Variants in TRIP11 observed in about 807,000 individuals in gnomAD.
The protein encoded by TRIP11 is thyroid hormone receptor interactor 11, also known as thyroid receptor-interacting protein 11.
Under a neutral mutation model 223.1 loss-of-function variants are expected in TRIP11, and 148 were observed. The observed-to-expected ratio is 0.66, with a 90% CI of 0.58 to 0.76. The LOEUF is 0.76. TRIP11 is among the 30% of genes least tolerant of loss of function. The pLI is 0.00. For synonymous variants in TRIP11, 762 were observed against 772.6 expected (o/e 0.99, Z 0.23); for missense variants, 2,043 against 2,222.0 (o/e 0.92, Z 1.62).
rs183045912 is a variant in TRIP11, at chr14:91,966,225, A to G, written c.*3448T>C. ...AATTGTTTTACATAGAGAAACCTTA[A>G]TAAGTATTTAACTTTTTAATAAGTT... On this transcript the variant is annotated 3_prime_UTR_variant, in exon 21 of 21. Coordinates refer to ENST00000267622, the MANE Select transcript of TRIP11 (RefSeq NM_004239.4). The G allele has an allele frequency of 1.6e-3, 275 of 176,938 alleles. No individual in the cohort carries two copies. Among genetic ancestry groups the G allele is most frequent in the Non-Finnish European group, 2.8e-3 (231 of 81,940 alleles). 11.0% of individuals were successfully genotyped at this position (176,938 alleles called of 1,614,324 possible). A position where few individuals can be genotyped will look rare whatever the true frequency, so the allele number is the denominator to read the frequency against.
intron 16 of TRIP11, among the ~76,000 whole-genome samples, chr14:91,983,150 A>C (rs2056565041): frequency 6.6e-6 from 1 of 152,214 alleles, no homozygotes; most frequent in African/African-American, 2.4e-5. Flanking sequence ...CCAAGTACAA[A>C]GGATAGCTCT....
Position 92,005,593 on chromosome 14 carries a change from C to G in TRIP11, c.2383G>C (p.Val795Leu), listed in dbSNP as rs34699762. The G allele has an allele frequency of 2.6e-3, 4,196 of 1,613,438 alleles. 70 individuals carry two copies. The African/African-American group carries it at 0.048, about 19-fold the overall frequency. ...MDTDHKETKD[V>L]LSSSLEEQKQ... ...TGCTCTTCTAAACTAGATGACAAAA[C>G]GTCCTTAGTTTCTTTATGGTCAGTA... Residue 795 changes from valine to leucine, a missense_variant, in exon 11 of 21, where the codon GTT becomes CTT. Coordinates refer to ENST00000267622, the MANE Select transcript of TRIP11 (RefSeq NM_004239.4).
Position 92,021,618 on chromosome 14 carries a change from G to A in TRIP11, c.526C>T (p.Arg176Ter), listed in dbSNP as rs758589172. Residue 176 changes from arginine to a stop codon, truncating the protein, a stop_gained, in exon 4 of 21, where the codon CGA (arginine) becomes TGA (stop). Coordinates refer to ENST00000267622, the MANE Select transcript of TRIP11 (RefSeq NM_004239.4). LOFTEE classifies it high-confidence loss of function. ...AGTCTTGAAACTTCATTTGAGAGTC[G>A]GTTTATTTCTTGTTGGGATGAAATT... ...DIISSQQEIN[R>*]LSNEVSRLES... 9 of 1,613,936 alleles carry A rather than the reference G, an allele frequency of 5.6e-6. No homozygotes were observed. The highest frequency in any genetic ancestry group is 3.3e-5 in the South Asian group (3 of 91,082).
rs757835734 is a variant in TRIP11, at chr14:92,000,051, T to A, written c.4615A>T (p.Thr1539Ser). Residue 1539 changes from threonine (T) to serine (S), a missense_variant, in exon 12 of 21, where the codon ACA becomes TCA. Physicochemically the swap from Thr to Ser is moderately conservative, Grantham distance 58 (BLOSUM62 1). Coordinates refer to ENST00000267622, the MANE Select transcript of TRIP11 (RefSeq NM_004239.4). ...LNAVKSMQEK[T>S]VVFQQERDQV... Reference sequence around the variant, plus strand: ...TCTCTCTCCTGTTGAAACACAACTGTCTTCTCCTGCATTGATTTAACTGCA... The same window carrying A: ...TCTCTCTCCTGTTGAAACACAACTGACTTCTCCTGCATTGATTTAACTGCA... The A allele has an allele frequency of 6.2e-7, 1 of 1,614,066 alleles. No individual in the cohort carries two copies.
intron 16 of TRIP11, chr14:91,977,361 T>C: frequency 2.9e-6 from 1 of 340,322 alleles, no homozygotes; most frequent in Non-Finnish European, 5.8e-6. Context: ...ACACCTGTTT[T>C]AAGCGTTTTA....
intron 2 of TRIP11, among the ~76,000 whole-genome samples, chr14:92,025,854 T>C (rs1385117840): frequency 1.4e-5 from 2 of 141,050 alleles, no homozygotes; most frequent in Admixed American, 7.5e-5. Context: ...CATTCCAGCC[T>C]GGTGACAGAG....
intron 7 of TRIP11, among the ~76,000 whole-genome samples, chr14:92,013,837 TATC>T (rs1259844362): frequency 7.2e-5 from 11 of 152,314 alleles, no homozygotes; most frequent in African/African-American, 2.6e-4. Flanking sequence ...AGTAACTAAA[TATC>T]ATCATGAGCA....
chr14:92,003,817 C>T lies in TRIP11; in HGVS notation c.4159G>A (p.Glu1387Lys), dbSNP rs201607866. 1.1e-4 allele frequency: 170 copies of T among 1,614,058 alleles called. 1 individual carries two copies. The East Asian group carries it at 1.6e-3, about 16-fold the overall frequency. The change falls in exon 11 of 21, where the codon GAA (glutamate) becomes AAA (lysine). Residue 1387 changes from glutamate to lysine, a missense_variant. Glu to Lys is a moderately conservative substitution (Grantham distance 56). Coordinates refer to ENST00000267622, the MANE Select transcript of TRIP11 (RefSeq NM_004239.4). ...IAATSELERK[E>K]HEQTDSEIKQ... is the part of the protein sequence containing the mutation. ...ATTTCTGAATCGGTTTGTTCGTGTT[C>T]TTTTCTTTCTAGCTCTGAGGTGGCA...
intron 16 of TRIP11, among the ~76,000 whole-genome samples, chr14:91,979,324 A>G (rs1473491129): frequency 6.6e-6 from 1 of 152,014 alleles, no homozygotes; most frequent in African/African-American, 2.4e-5. Flanking sequence ...AGTAAAATTC[A>G]CAAAGCAGAG....
Position 92,004,792 on chromosome 14 carries a change from G to A in TRIP11, c.3184C>T (p.Gln1062Ter), listed in dbSNP as rs1388212412. 6.2e-7 allele frequency: 1 copy of A among 1,614,100 alleles called. No individual in the cohort carries two copies. Among genetic ancestry groups the A allele is most frequent in the South Asian group, 1.1e-5 (1 of 91,078 alleles). The change falls in exon 11 of 21, where the codon CAG (glutamine) becomes TAG (stop). Residue 1062 changes from glutamine to a stop codon, truncating the protein, a stop_gained. Coordinates refer to ENST00000267622, the MANE Select transcript of TRIP11 (RefSeq NM_004239.4). LOFTEE classifies it high-confidence loss of function. ...DEVGKLTQII[Q>*]QKDLEIQALH... is the part of the protein sequence containing the mutation. The stretch of plus-strand genomic sequence containing the variant: ...GCTTGTATCTCCAAATCTTTCTGCT[G>A]AATAATCTGAGTTAGTTTACCAACT...
intron 13 of TRIP11, among the ~76,000 whole-genome samples, chr14:91,996,942 A>G (rs1381950678): frequency 2.0e-5 from 3 of 152,198 alleles, no homozygotes; most frequent in Non-Finnish European, 4.4e-5. Context: ...CATTCAAAAT[A>G]CTGCAATAGT....
At chr14:92,024,295 C>A (rs755664985) in intron 3 of TRIP11, among the ~76,000 whole-genome samples, 2 of 150,238 alleles carry the variant, frequency 1.3e-5, no homozygotes, top group Non-Finnish European at 3.0e-5. Flanking sequence ...TTGCTTGAAC[C>A]GGGATGCAGA....
chr14:91,975,656 C>T (rs947531648), intron 17 of TRIP11, among the ~76,000 whole-genome samples: 9 of 151,868 alleles, frequency 5.9e-5, no homozygotes, highest in African/African-American at 2.2e-4. Flanking sequence ...TAATGTTATG[C>T]TTATATTTCC....
At position 91,969,807 on chromosome 14, in the gene TRIP11, CTGGG is replaced by C. The variant is rs1250308833; in HGVS notation, c.5802_5805del (p.Asn1934LysfsTer14). 1 of 1,614,160 alleles carries C rather than the reference CTGGG, an allele frequency of 6.2e-7. No homozygotes were observed. ...CCGGGCCCACCAGGTCCAAGTCCAGCTGGGTTAATAAGAGGTACAGCTGCCGAGC... is the reference window on the plus strand; with the variant it reads ...CCGGGCCCACCAGGTCCAAGTCCAGCTTAATAAGAGGTACAGCTGCCGAGC... On this transcript the variant is annotated frameshift_variant, in exon 21 of 21. Transcript: ENST00000267622. LOFTEE classifies it high-confidence loss of function.
chr14:92,009,953 GT>G (rs958792869), intron 9 of TRIP11, among the ~76,000 whole-genome samples: 1 of 152,136 alleles, frequency 6.6e-6, no homozygotes, highest in Admixed American at 6.5e-5. Context: ...CTATCCGAAG[GT>G]TTTCAGTATG....
At position 92,039,704 on chromosome 14, in the gene TRIP11, C is replaced by A; in HGVS notation, c.-19G>T. The A allele has an allele frequency of 6.2e-7, 1 of 1,607,720 alleles. No individual in the cohort carries two copies. Among genetic ancestry groups the A allele is most frequent in the Non-Finnish European group, 8.5e-7 (1 of 1,177,106 alleles). ...ACGACATCGCGGCGAGTTTAGAGAA[C>A]GACCCGGTCCGCTCGGAAAAAAGAA... On this transcript the variant is annotated 5_prime_UTR_variant, in exon 1 of 21. Transcript: ENST00000267622.
intron 18 of TRIP11, 68 bp downstream of exon 18, chr14:91,975,104 A>T: frequency 7.4e-7 from 1 of 1,354,718 alleles, no homozygotes; most frequent in Non-Finnish European, 1.1e-6. Flanking sequence ...CAGTAAAAGG[A>T]AGTAATTGTC....
intron 5 of TRIP11, among the ~76,000 whole-genome samples, chr14:92,017,239 A>G (rs951540484): frequency 1.3e-5 from 2 of 151,498 alleles, no homozygotes; most frequent in South Asian, 4.2e-4. Flanking sequence ...AAAGAATATT[A>G]AAAAAAAATA....
chr14:92,007,967 T>A, intron 9 of TRIP11, 115 bp from the exon 10 acceptor site: 1 of 760,754 alleles, frequency 1.3e-6, no homozygotes, highest in African/African-American at 1.8e-5. Flanking sequence ...ATATTGGAAA[T>A]AATATTGAAC....
Sources: allele counts gnomAD v4.1 joint callset (sites outside exome capture counted in the v4.1 genomes callset), GRCh38; gene constraint gnomAD v4.1.1; transcripts MANE v1.5; gene names NCBI Gene and HGNC (gene_info 2026-07-23, HGNC 2026-07-21).